The following RHOBTB1 variants were observed in gnomAD, a reference collection of about 807,000 sequenced individuals.
The protein encoded by RHOBTB1 is Rho related BTB domain containing 1, also known as rho-related BTB domain-containing protein 1.
In RHOBTB1, 40 loss-of-function variants were observed where a neutral mutation model predicts 71.6. That is an observed-to-expected ratio of 0.56 (90% CI 0.43 to 0.73). The LOEUF is 0.73. Ranked by LOEUF, RHOBTB1 falls within the 30% of genes least tolerant of loss-of-function variation. The pLI is 0.00. For synonymous variants in RHOBTB1, 319 were observed against 334.9 expected (o/e 0.95, Z 0.52); for missense variants, 797 against 894.0 (o/e 0.89, Z 1.38).
chr10:60,865,882 A>G (rs1444339265), downstream of RHOBTB1, among the ~76,000 whole-genome samples: 1 of 152,064 alleles, frequency 6.6e-6, no homozygotes, highest in Non-Finnish European at 1.5e-5. Flanking sequence ...CCCAGGCTGG[A>G]GTGCAGTGGT....
intron 4 of RHOBTB1, among the ~76,000 whole-genome samples, chr10:60,901,585 T>G (rs896162291): frequency 6.6e-6 from 1 of 152,188 alleles, no homozygotes; most frequent in African/African-American, 2.4e-5. Flanking sequence ...TATTTAACAG[T>G]CTCTTTCTTT....
At chr10:60,990,391 T>C (rs979459319) in intron 1 of RHOBTB1, among the ~76,000 whole-genome samples, 53 of 152,322 alleles carry the variant, frequency 3.5e-4, no homozygotes, top group African/African-American at 1.2e-3. Flanking sequence ...CCCAAGAATC[T>C]TTTTGAGACA....
At chr10:60,979,103 A>G (rs1285697850) in intron 2 of RHOBTB1, among the ~76,000 whole-genome samples, 2 of 152,164 alleles carry the variant, frequency 1.3e-5, no homozygotes, top group East Asian at 3.8e-4. Context: ...TCAAGGCTCT[A>G]ATATTTATGC....
At chr10:60,969,429 G>T (rs995593656) in intron 2 of RHOBTB1, among the ~76,000 whole-genome samples, 3 of 152,090 alleles carry the variant, frequency 2.0e-5, no homozygotes, top group Admixed American at 2.0e-4. Flanking sequence ...AAAAATCAGA[G>T]TATGTTCAGG....
intron 8 of RHOBTB1, among the ~76,000 whole-genome samples, chr10:60,876,105 G>A (rs538843929): frequency 6.6e-6 from 1 of 152,072 alleles, no homozygotes; most frequent in Non-Finnish European, 1.5e-5. Context: ...GAACTATTTG[G>A]AACTAAATTT....
chr10:60,931,581 C>T (rs920436156), intron 2 of RHOBTB1, among the ~76,000 whole-genome samples: 2 of 152,014 alleles, frequency 1.3e-5, no homozygotes, highest in Non-Finnish European at 2.9e-5. Flanking sequence ...GACGTTTTAG[C>T]TTTTTAAAAA....
intron 2 of RHOBTB1, among the ~76,000 whole-genome samples, chr10:60,949,545 T>A (rs1485427474): frequency 6.6e-6 from 1 of 152,162 alleles, no homozygotes; most frequent in Admixed American, 6.5e-5. Flanking sequence ...TGGAGCAAGT[T>A]TTGGTGTAGG....
upstream of RHOBTB1, among the ~76,000 whole-genome samples, chr10:60,948,975 C>G (rs1172224495): frequency 6.6e-6 from 1 of 152,198 alleles, no homozygotes; most frequent in Non-Finnish European, 1.5e-5. Context: ...AATCATTTTA[C>G]ATGTTAGCTT....
chr10:60,954,381 T>C (rs1258914347), intron 2 of RHOBTB1, among the ~76,000 whole-genome samples: 1 of 152,206 alleles, frequency 6.6e-6, no homozygotes, highest in East Asian at 1.9e-4. Flanking sequence ...GGCTTTACAC[T>C]TTTATTTTGG....
At chr10:60,907,010 G>A (rs778431162) in intron 4 of RHOBTB1, among the ~76,000 whole-genome samples, 97 of 152,188 alleles carry the variant, frequency 6.4e-4, no homozygotes, top group Non-Finnish European at 4.6e-4. Context: ...CAGTGAATAA[G>A]TATCATGAGA....
downstream of RHOBTB1, chr10:60,869,369 A>G (rs561898168): frequency 6.6e-6 from 1 of 152,420 alleles, no homozygotes; most frequent in Non-Finnish European, 1.5e-5. Context: ...TAATGTTTTG[A>G]TAATTTAAAA....
chr10:60,949,561 A>G (rs78676343), intron 2 of RHOBTB1, among the ~76,000 whole-genome samples: 3,017 of 152,236 alleles, frequency 0.02, 69 homozygotes, highest in African/African-American at 0.054. Flanking sequence ...GTAGGAATCA[A>G]CTAAAAAGTG....
At chr10:60,908,513 T>C (rs1308194899) in intron 4 of RHOBTB1, among the ~76,000 whole-genome samples, 1 of 152,118 alleles carries the variant, frequency 6.6e-6, no homozygotes, top group Non-Finnish European at 1.5e-5. Flanking sequence ...AAAAGGTTTG[T>C]AAAAGCTATA....
At chr10:60,883,444 C>T (rs1187128870) in intron 7 of RHOBTB1, among the ~76,000 whole-genome samples, 4 of 152,206 alleles carry the variant, frequency 2.6e-5, no homozygotes, top group South Asian at 2.1e-4. Context: ...GATTAGCATT[C>T]GTGAGGTCAG....
At chr10:60,895,050 G>A (rs927199632) in intron 4 of RHOBTB1, among the ~76,000 whole-genome samples, 1 of 152,172 alleles carries the variant, frequency 6.6e-6, no homozygotes, top group Non-Finnish European at 1.5e-5. Context: ...GACCTTGGGG[G>A]TTGGAAAAAA....
chr10:60,959,661 G>C (rs1413871356), intron 2 of RHOBTB1, among the ~76,000 whole-genome samples: 1 of 152,172 alleles, frequency 6.6e-6, no homozygotes, highest in Admixed American at 6.5e-5. Flanking sequence ...GAAAACCTGA[G>C]TGCTAGTTTT....
chr10:60,988,585 C>T (rs919107908), intron 1 of RHOBTB1, among the ~76,000 whole-genome samples: 13 of 152,090 alleles, frequency 8.5e-5, no homozygotes, highest in African/African-American at 2.9e-4. Context: ...TGATAATTCC[C>T]TTAGGATGAT....
Position 60,987,793 on chromosome 10 carries a change from C to T in RHOBTB1, c.-162-1848G>A, listed in dbSNP as rs930483294. Among the ~76,000 whole-genome samples, 14 of 152,170 alleles carry T rather than the reference C, an allele frequency of 9.2e-5. No homozygotes were observed. The Middle Eastern group carries it at 0.01, about 111-fold the overall frequency. On this transcript the variant is annotated intron_variant, in intron 1 of 11. Transcript: ENST00000357917. Reference sequence around the variant, plus strand: ...ATATGTTTTACCACTTTCCACATAACCTTTGCAGACATTCTAAACCATCTC... The same window carrying T: ...ATATGTTTTACCACTTTCCACATAATCTTTGCAGACATTCTAAACCATCTC...
At chr10:60,990,250 T>C (rs2134946130) in intron 1 of RHOBTB1, among the ~76,000 whole-genome samples, 1 of 152,248 alleles carries the variant, frequency 6.6e-6, no homozygotes, top group Non-Finnish European at 1.5e-5. Flanking sequence ...CCCAAAGTGC[T>C]GGGATTACAG....
Sources: allele counts gnomAD v4.1 joint callset (sites outside exome capture counted in the v4.1 genomes callset), GRCh38; gene constraint gnomAD v4.1.1; transcripts MANE v1.5; gene names NCBI Gene and HGNC (gene_info 2026-07-23, HGNC 2026-07-21).